The following ZNF44 variants were observed in gnomAD, a reference collection of about 807,000 sequenced individuals.
ZNF44 encodes the protein gonadotropin inducible transcription repressor-2.
A neutral mutation model predicts 11.7 loss-of-function variants in ZNF44; 9 were observed. The ratio of observed to expected loss-of-function variants is 0.77; its 90% CI spans 0.46 to 1.35. The LOEUF is 1.35. Among genes scored for constraint, ZNF44 ranks in the 40% most tolerant of loss-of-function variants. ZNF44 has a pLI of 0.00. For missense variants in ZNF44, 696 were observed against 743.1 expected (o/e 0.94, Z 0.74); for synonymous variants, 224 against 242.7 (o/e 0.92, Z 0.72).
intron 1 of ZNF44, among the ~76,000 whole-genome samples, chr19:12,235,951 G>A (rs1916370539): frequency 6.6e-6 from 1 of 152,102 alleles, no homozygotes; most frequent in Non-Finnish European, 1.5e-5. Flanking sequence ...AAGGAGGAGA[G>A]GCACAAAAGA....
chr19:12,241,114 AAAG>A (rs56230722), upstream of ZNF44, among the ~76,000 whole-genome samples: 46,731 of 151,972 alleles, frequency 0.31, 7,770 homozygotes, highest in African/African-American at 0.45. Context: ...ACATTTGTAC[AAAG>A]ATATATAAAT....
At chr19:12,260,344 C>T in intron 5 of ZNF44, 1 of 1,018,128 alleles carries the variant, frequency 9.8e-7, no homozygotes, top group Non-Finnish European at 1.5e-6. Context: ...CCGAAGCCTG[C>T]CACCTCCTAC....
downstream of ZNF44, among the ~76,000 whole-genome samples, chr19:12,268,182 A>AC (rs1555739617): frequency 0.018 from 1,802 of 99,576 alleles, 18 homozygotes; most frequent in East Asian, 0.032. Flanking sequence ...ACACACACAC[A>AC]AGCTCCTTCC....
chr19:12,262,202 T>A (rs547247717), intron 5 of ZNF44, among the ~76,000 whole-genome samples: 1 of 152,224 alleles, frequency 6.6e-6, no homozygotes, highest in Non-Finnish European at 1.5e-5. Flanking sequence ...GTAGTTTCCA[T>A]CGTATCATTA....
chr19:12,264,389 C>G (rs1917646907), intron 5 of ZNF44, among the ~76,000 whole-genome samples: 2 of 152,190 alleles, frequency 1.3e-5, no homozygotes, highest in South Asian at 4.1e-4. Flanking sequence ...GCCTTACCTT[C>G]TAGTCACTGC....
Position 12,271,818 on chromosome 19 carries a change from CATGAG to C in ZNF44, c.*584_*588del, listed in dbSNP as rs994116367. 2.6e-5 allele frequency: 4 copies of C among 152,034 alleles called. No individual in the cohort carries two copies. Among genetic ancestry groups the C allele is most frequent in the African/African-American group, 4.8e-5 (2 of 41,384 alleles). 9.4% of individuals were successfully genotyped at this position (152,034 alleles called of 1,614,324 possible). On this transcript the variant is annotated 3_prime_UTR_variant, in exon 4 of 4. Transcript: ENST00000355684. ...AACTATGTACACAGCTTTTACAATG[CATGAG>C]ATATTTTAATTAATCTAGACATTTA...
At position 12,294,871 on chromosome 19, in the gene ZNF44, G is replaced by T; in HGVS notation, c.-177C>A. ...AACGTCACACCCTCCTCTCTGCCTC[G>T]CGCCTGATTGACAATTCTCAGGAAC... On this transcript the variant is annotated 5_prime_UTR_variant, in exon 1 of 4. Coordinates refer to ENST00000355684, the MANE Select transcript of ZNF44 (RefSeq NM_016264.4). 5.8e-6 allele frequency: 4 copies of T among 685,172 alleles called. No homozygotes were observed. Among genetic ancestry groups the T allele is most frequent in the Non-Finnish European group, 6.9e-6 (3 of 437,132 alleles). 42.4% of individuals were successfully genotyped at this position (685,172 alleles called of 1,614,324 possible).
At chr19:12,251,425 C>CA (rs750834758) in intron 5 of ZNF44, among the ~76,000 whole-genome samples, 9 of 151,940 alleles carry the variant, frequency 5.9e-5, no homozygotes, top group Non-Finnish European at 7.4e-5. Context: ...GCCTGGGAGG[C>CA]AGAGGTTGCA....
chr19:12,293,354 A>G lies in ZNF44; in HGVS notation c.3+1338T>C. ...GCTTCCAGCATCTTAGGGTAGCCCC[A>G]GAAAGTTCCATAACACAGGGCCTGG... On this transcript the variant is annotated intron_variant, in intron 1 of 3. Transcript: ENST00000355684. 3 of 1,536,836 alleles carry G rather than the reference A, an allele frequency of 2.0e-6. No individual in the cohort carries two copies. The South Asian group carries it at 3.6e-5, about 18-fold the overall frequency.
Position 12,273,271 on chromosome 19 carries a change from C to T in ZNF44, c.984G>A (p.Met328Ile). ...GAGGTCCATCTCCACTGTGCATTAT[C>T]ATGTGTCTTTGAAAGCTTCCAAGAT... Reference protein sequence around the residue: ...FCHLGSFQRHMIMHSGDGPHK... With the variant: ...FCHLGSFQRHIIMHSGDGPHK... Residue 328 changes from methionine (M) to isoleucine (I), a missense_variant, in exon 4 of 4, where the codon ATG becomes ATA. Physicochemically the swap from Met to Ile is conservative, Grantham distance 10. Transcript: ENST00000355684. 6.2e-7 allele frequency: 1 copy of T among 1,613,830 alleles called. No individual in the cohort carries two copies. The highest frequency in any genetic ancestry group is 1.1e-5 in the South Asian group (1 of 91,066).
chr19:12,244,873 CA>C (rs1471445612), downstream of ZNF44, among the ~76,000 whole-genome samples: 1 of 152,166 alleles, frequency 6.6e-6, no homozygotes, highest in Non-Finnish European at 1.5e-5. Context: ...GCAATGAAAT[CA>C]CCTAAAAGAA....
At chr19:12,229,617 A>AT (rs112086092) in intron 3 of ZNF44, among the ~76,000 whole-genome samples, 1,585 of 146,016 alleles carry the variant, frequency 0.011, 20 homozygotes, top group African/African-American at 0.028. Flanking sequence ...GAAGAAAGAT[A>AT]TTTTTTTTTT....
chr19:12,240,405 A>C (rs921039061), upstream of ZNF44, among the ~76,000 whole-genome samples: 4 of 150,434 alleles, frequency 2.7e-5, no homozygotes, highest in African/African-American at 9.8e-5. Context: ...AGATTGTGCC[A>C]CTACACTCCA....
downstream of ZNF44, among the ~76,000 whole-genome samples, chr19:12,244,002 T>C (rs1275067708): frequency 6.6e-6 from 1 of 152,190 alleles, no homozygotes; most frequent in Non-Finnish European, 1.5e-5. Context: ...TTTTTTCTTA[T>C]TGTTTTTACC....
At chr19:12,228,862 A>G (rs1599479100) in intron 3 of ZNF44, among the ~76,000 whole-genome samples, 1 of 152,188 alleles carries the variant, frequency 6.6e-6, no homozygotes, top group African/African-American at 2.4e-5. Context: ...AAAAAATTAT[A>G]CAAAGATTAT....
At chr19:12,239,334 G>C (rs1434845737), upstream of ZNF44, among the ~76,000 whole-genome samples, 1 of 150,952 alleles carries the variant, frequency 6.6e-6, no homozygotes, top group African/African-American at 2.4e-5. Flanking sequence ...GGCTCGTCTT[G>C]AACTCCTGAC....
intron 1 of ZNF44, among the ~76,000 whole-genome samples, chr19:12,236,194 C>CT (rs1916381228): frequency 6.6e-6 from 1 of 152,168 alleles, no homozygotes; most frequent in Admixed American, 6.5e-5. Context: ...CATACAAACC[C>CT]TAGAAGGGTT....
intron 1 of ZNF44, among the ~76,000 whole-genome samples, chr19:12,291,763 G>A (rs954569003): frequency 1.5e-4 from 22 of 151,622 alleles, no homozygotes; most frequent in East Asian, 3.9e-4. Flanking sequence ...TGGCCGAGGC[G>A]GGAGGATCAC....
intron 1 of ZNF44, among the ~76,000 whole-genome samples, chr19:12,285,976 G>A (rs372261091): frequency 3.1e-5 from 3 of 97,220 alleles, no homozygotes; most frequent in African/African-American, 6.6e-5. Context: ...CCGAGATCAC[G>A]CCACTGCACT....
Sources: allele counts gnomAD v4.1 joint callset (sites outside exome capture counted in the v4.1 genomes callset), GRCh38; gene constraint gnomAD v4.1.1; transcripts MANE v1.5; gene names NCBI Gene and HGNC (gene_info 2026-07-23, HGNC 2026-07-21).